Variants in PKN2 observed in about 807,000 individuals in gnomAD.
PKN2 encodes serine/threonine-protein kinase N2.
A neutral mutation model predicts 119.1 loss-of-function variants in PKN2; 38 were observed. That is an observed-to-expected ratio of 0.32 (90% CI 0.25 to 0.42). The LOEUF is 0.42. Ranked by LOEUF, PKN2 falls within the 10% of genes least tolerant of loss-of-function variation. The probability of loss-of-function intolerance (pLI) is 1.00; values close to 1 mark genes in which losing one functional copy is unlikely to be tolerated. For missense variants in PKN2, 850 were observed against 1,165.1 expected (o/e 0.73, Z 3.94); for synonymous variants, 390 against 384.9 (o/e 1.01, Z -0.15).
chr1:88,701,931 T>C (rs1485517793), intron 1 of PKN2, among the ~76,000 whole-genome samples: 2 of 152,106 alleles, frequency 1.3e-5, no homozygotes, highest in African/African-American at 2.4e-5. Flanking sequence ...TGTAGGACTT[T>C]AGAGGAGGGA....
intron 8 of PKN2, among the ~76,000 whole-genome samples, chr1:88,803,713 T>C (rs17130613): frequency 0.04 from 6,164 of 152,312 alleles, 198 homozygotes; most frequent in African/African-American, 0.084. Flanking sequence ...TCCCTGGTTT[T>C]TGAACATTCA....
At chr1:88,710,085 A>G (rs768373084) in intron 1 of PKN2, among the ~76,000 whole-genome samples, 3 of 152,230 alleles carry the variant, frequency 2.0e-5, no homozygotes, top group African/African-American at 7.2e-5. Flanking sequence ...GACTACCTCA[A>G]GTGGTGATGT....
At chr1:88,772,484 A>G (rs1669936392) in intron 6 of PKN2, among the ~76,000 whole-genome samples, 1 of 152,208 alleles carries the variant, frequency 6.6e-6, no homozygotes, top group African/African-American at 2.4e-5. Flanking sequence ...CAGTAAGTAT[A>G]ATATAATATA....
At chr1:88,730,657 T>C (rs1189363249) in intron 1 of PKN2, among the ~76,000 whole-genome samples, 1 of 152,238 alleles carries the variant, frequency 6.6e-6, no homozygotes, top group Non-Finnish European at 1.5e-5. Context: ...GGAGGTTTTC[T>C]TTTTTATTAT....
chr1:88,743,299 C>G (rs1668646735), intron 2 of PKN2, among the ~76,000 whole-genome samples: 1 of 152,200 alleles, frequency 6.6e-6, no homozygotes, highest in Non-Finnish European at 1.5e-5. Flanking sequence ...AGCTAACCAT[C>G]TCTACAATCG....
At chr1:88,812,610 C>T (rs1240106494) in intron 15 of PKN2, among the ~76,000 whole-genome samples, 11 of 152,040 alleles carry the variant, frequency 7.2e-5, no homozygotes, top group Admixed American at 7.2e-4. Context: ...GTAGTATGTT[C>T]CTGTAGTACC....
At chr1:88,825,826 C>G (rs1298518889) in intron 18 of PKN2, among the ~76,000 whole-genome samples, 2 of 152,306 alleles carry the variant, frequency 1.3e-5, no homozygotes, top group African/African-American at 4.8e-5. Context: ...AGGTGACATA[C>G]AGTGCCGTTA....
chr1:88,716,343 A>G (rs1172768560), intron 1 of PKN2, among the ~76,000 whole-genome samples: 1 of 152,104 alleles, frequency 6.6e-6, no homozygotes, highest in Non-Finnish European at 1.5e-5. Flanking sequence ...AGTCCTGGAT[A>G]TCCTTGTTAA....
chr1:88,817,086 G>A (rs919704843), intron 16 of PKN2, among the ~76,000 whole-genome samples: 1 of 151,970 alleles, frequency 6.6e-6, no homozygotes, highest in Admixed American at 6.6e-5. Flanking sequence ...ACCTGGCAGA[G>A]ACACCACAAA....
rs1306276510 is a variant in PKN2, at chr1:88,714,163, C to T, written c.49-26825C>T. Reference sequence around the variant, plus strand: ...TATATCTCTGTTTTGGTACCAGTACCGTGCTGTTTTGGTTACTGTAGCCTT... The same window carrying T: ...TATATCTCTGTTTTGGTACCAGTACTGTGCTGTTTTGGTTACTGTAGCCTT... On this transcript the variant is annotated intron_variant, in intron 1 of 21. Coordinates refer to ENST00000370521, the MANE Select transcript of PKN2 (RefSeq NM_006256.4). Among the ~76,000 whole-genome samples the T allele has an allele frequency of 1.6e-4, 24 of 152,214 alleles. No individual in the cohort carries two copies. The East Asian group carries it at 3.3e-3, about 21-fold the overall frequency.
At chr1:88,821,542 AACTT>A (rs1672290987) in intron 16 of PKN2, among the ~76,000 whole-genome samples, 1 of 152,172 alleles carries the variant, frequency 6.6e-6, no homozygotes, top group East Asian at 1.9e-4. Context: ...AGCCACACCA[AACTT>A]ACTTGTTATC....
At chr1:88,805,719 A>C (rs1355571724) in intron 11 of PKN2, 48 bp downstream of exon 11, 1 of 1,604,998 alleles carries the variant, frequency 6.2e-7, no homozygotes, top group Non-Finnish European at 8.5e-7. Flanking sequence ...TTATTGGGAC[A>C]TTCTTACGTA....
In PKN2 at chr1:88,807,356, T is replaced by C; in HGVS notation, c.1847T>C (p.Ile616Thr). ...GATATTCAGAATGACAGAAATAGTA[T>C]ACTTCCAAAATCTCAATCTGAATAC... is the stretch of plus-strand genomic sequence containing the variant. ...VFDIQNDRNSILPKSQSEYKP... is the reference protein window; with the variant it reads ...VFDIQNDRNSTLPKSQSEYKP... Residue 616 changes from isoleucine (I) to threonine (T), a missense_variant, in exon 13 of 22, where the codon ATA becomes ACA. Physicochemically the swap from Ile to Thr is moderately conservative, Grantham distance 89 (BLOSUM62 -1). Transcript: ENST00000370521. The C allele has an allele frequency of 6.3e-7, 1 of 1,592,638 alleles. No individual in the cohort carries two copies. The highest frequency in any genetic ancestry group is 1.7e-4 in the Middle Eastern group (1 of 5,982).
chr1:88,694,933 C>T (rs1259187507), intron 1 of PKN2, among the ~76,000 whole-genome samples: 4 of 152,040 alleles, frequency 2.6e-5, no homozygotes, highest in Non-Finnish European at 4.4e-5. Context: ...GTCAGGAGAT[C>T]GAGAGATCAC....
rs1374660522 is a variant in PKN2, at chr1:88,833,416, A to G, written c.2923A>G (p.Arg975Gly). The G allele has an allele frequency of 1.9e-6, 3 of 1,613,332 alleles. No individual in the cohort carries two copies. The highest frequency in any genetic ancestry group is 8.5e-7 in the Non-Finnish European group (1 of 1,179,396). Residue 975 changes from arginine to glycine, a missense_variant, in exon 22 of 22, where the codon AGA becomes GGA. By Grantham distance (125) the Arg-to-Gly change is moderately radical. Transcript: ENST00000370521. ...ILSEEEQEMF[R>G]DFDYIADWC Reference sequence around the variant, plus strand: ...TTCGGAAGAGGAGCAGGAAATGTTCAGAGATTTTGACTACATTGCTGATTG... The same window carrying G: ...TTCGGAAGAGGAGCAGGAAATGTTCGGAGATTTTGACTACATTGCTGATTG...
Position 88,698,336 on chromosome 1 carries a change from A to AC in PKN2, c.48+13714dup, listed in dbSNP as rs552716917. ...GACCTTGACAGAGATTCACTCAAGG[A>AC]CCCCCCTGTACAATGAACGATGACT... On this transcript the variant is annotated intron_variant, in intron 1 of 21. Transcript: ENST00000370521. Among the ~76,000 whole-genome samples, 29 of 152,144 alleles carry AC rather than the reference A, an allele frequency of 1.9e-4. 1 individual carries two copies. The South Asian group carries it at 5.6e-3, about 29-fold the overall frequency.
intron 6 of PKN2, among the ~76,000 whole-genome samples, chr1:88,776,622 C>G (rs918178607): frequency 1.3e-5 from 2 of 151,962 alleles, no homozygotes; most frequent in Non-Finnish European, 2.9e-5. Context: ...TGCCTGTAAT[C>G]CCAGTAACTC....
intron 1 of PKN2, among the ~76,000 whole-genome samples, chr1:88,728,870 CAGTGATGTTATTAA>C (rs1668007329): frequency 6.6e-6 from 1 of 150,924 alleles, no homozygotes; most frequent in Non-Finnish European, 1.5e-5. Context: ...AGCCAATGTC[CAGTGATGTTATTAA>C]CATCCCCATC....
intron 1 of PKN2, among the ~76,000 whole-genome samples, chr1:88,738,312 G>A (rs1668435725): frequency 6.6e-6 from 1 of 152,172 alleles, no homozygotes; most frequent in Non-Finnish European, 1.5e-5. Context: ...ACACAGGAGA[G>A]GCATTCAACT....
Sources: allele counts gnomAD v4.1 joint callset (sites outside exome capture counted in the v4.1 genomes callset), GRCh38; gene constraint gnomAD v4.1.1; transcripts MANE v1.5; gene names NCBI Gene and HGNC (gene_info 2026-07-23, HGNC 2026-07-21).